The following BICC1 variants were observed in gnomAD, a reference collection of about 807,000 sequenced individuals.
BICC1 encodes protein bicaudal C homolog 1.
In BICC1, 43 loss-of-function variants were observed where a neutral mutation model predicts 111.0. That is an observed-to-expected ratio of 0.39 (90% CI 0.30 to 0.50). The LOEUF (loss-of-function observed/expected upper bound fraction) is 0.50. BICC1 is among the 20% of genes least tolerant of loss of function. The pLI is 0.88. For missense variants in BICC1, 1,091 were observed against 1,203.2 expected (o/e 0.91, Z 1.38); for synonymous variants, 467 against 434.4 (o/e 1.07, Z -0.93).
chr10:58,757,333 A>G (rs542634825), intron 3 of BICC1, among the ~76,000 whole-genome samples: 4 of 152,330 alleles, frequency 2.6e-5, no homozygotes, highest in East Asian at 1.9e-4. Flanking sequence ...CACATTTTCT[A>G]TAGGACGAGT....
At chr10:58,517,389 A>G (rs906076221) in intron 1 of BICC1, among the ~76,000 whole-genome samples, 2 of 152,218 alleles carry the variant, frequency 1.3e-5, no homozygotes, top group African/African-American at 4.8e-5. Flanking sequence ...GATTAACAGT[A>G]GGAGCAGCAA....
chr10:58,624,398 A>G (rs1293122740), intron 2 of BICC1, among the ~76,000 whole-genome samples: 1 of 152,202 alleles, frequency 6.6e-6, no homozygotes, highest in East Asian at 1.9e-4. Context: ...ATAATTCTGT[A>G]GAAAAATTTA....
intron 2 of BICC1, among the ~76,000 whole-genome samples, chr10:58,680,024 A>G (rs144178206): frequency 5.9e-4 from 90 of 152,330 alleles, no homozygotes; most frequent in African/African-American, 2.1e-3. Context: ...AACTAGGTAT[A>G]GATGGAACGT....
chr10:58,694,050 A>G (rs1442708731), intron 2 of BICC1, among the ~76,000 whole-genome samples: 2 of 152,098 alleles, frequency 1.3e-5, no homozygotes, highest in African/African-American at 4.8e-5. Context: ...CAATAAATGT[A>G]TCTTCACTAA....
At chr10:58,790,728 GGGA>G (rs1170836475) in intron 8 of BICC1, among the ~76,000 whole-genome samples, 1 of 152,190 alleles carries the variant, frequency 6.6e-6, no homozygotes, top group African/African-American at 2.4e-5. Context: ...AGGAGGCTGA[GGGA>G]GGAGAATTGC....
chr10:58,542,428 CAG>C (rs761529537), intron 1 of BICC1, among the ~76,000 whole-genome samples: 6 of 151,910 alleles, frequency 3.9e-5, no homozygotes, highest in African/African-American at 7.2e-5. Context: ...TAGAAGAAAA[CAG>C]GGGAAAAGCT....
At chr10:58,694,284 G>C (rs998497503) in intron 2 of BICC1, among the ~76,000 whole-genome samples, 3 of 152,150 alleles carry the variant, frequency 2.0e-5, no homozygotes, top group African/African-American at 7.2e-5. Flanking sequence ...GAGACAAGGA[G>C]TCATCATGAC....
chr10:58,682,796 G>A (rs1839575859), intron 2 of BICC1, among the ~76,000 whole-genome samples: 1 of 152,162 alleles, frequency 6.6e-6, no homozygotes, highest in African/African-American at 2.4e-5. Flanking sequence ...TTGTCAGATA[G>A]GTAGATTGTG....
At chr10:58,738,570 G>A (rs2132591782) in intron 3 of BICC1, among the ~76,000 whole-genome samples, 1 of 151,876 alleles carries the variant, frequency 6.6e-6, no homozygotes, top group South Asian at 2.1e-4. Flanking sequence ...TGGCAATGCA[G>A]GCTCTTTTTT....
chr10:58,617,187 G>A (rs1845643357), intron 1 of BICC1, among the ~76,000 whole-genome samples: 1 of 152,256 alleles, frequency 6.6e-6, no homozygotes, highest in Non-Finnish European at 1.5e-5. Flanking sequence ...CTGCCCTTCA[G>A]GCTCGTGAGA....
intron 2 of BICC1, among the ~76,000 whole-genome samples, chr10:58,624,439 TG>T (rs1489795017): frequency 6.6e-6 from 1 of 152,232 alleles, no homozygotes; most frequent in Non-Finnish European, 1.5e-5. Context: ...TGTCACATTT[TG>T]ATACTCAGTC....
chr10:58,797,471 T>A (rs1414297035), intron 10 of BICC1, among the ~76,000 whole-genome samples: 2 of 152,144 alleles, frequency 1.3e-5, no homozygotes, highest in East Asian at 1.9e-4. Context: ...AAAGAAAGAT[T>A]TTTTTTGTAT....
At chr10:58,516,858 C>G (rs751179120) in intron 1 of BICC1, among the ~76,000 whole-genome samples, 1 of 152,024 alleles carries the variant, frequency 6.6e-6, no homozygotes, top group East Asian at 1.9e-4. Context: ...ACTGAGTTAT[C>G]AGGGAGGAAA....
At chr10:58,559,570 G>A (rs1422927374) in intron 1 of BICC1, among the ~76,000 whole-genome samples, 2 of 152,076 alleles carry the variant, frequency 1.3e-5, no homozygotes, top group Non-Finnish European at 2.9e-5. Flanking sequence ...CTTGTTTCCA[G>A]TTTGGATGCT....
chr10:58,622,857 A>G (rs1845865921), intron 2 of BICC1, among the ~76,000 whole-genome samples: 1 of 152,236 alleles, frequency 6.6e-6, no homozygotes, highest in Non-Finnish European at 1.5e-5. Context: ...TTTGGGAAGC[A>G]TTTAAGAAAT....
intron 3 of BICC1, among the ~76,000 whole-genome samples, chr10:58,728,445 C>G (rs1841181099): frequency 6.6e-6 from 1 of 152,144 alleles, no homozygotes; most frequent in African/African-American, 2.4e-5. Context: ...GGCTTAACTT[C>G]TAATTACAGT....
At chr10:58,800,510 A>G (rs1288946077) in intron 13 of BICC1, among the ~76,000 whole-genome samples, 184 bp downstream of exon 13, 2 of 152,210 alleles carry the variant, frequency 1.3e-5, no homozygotes, top group African/African-American at 4.8e-5. Context: ...GATTAACTGA[A>G]AAGCACTTTC....
At chr10:58,732,375 GTATGTATATATATATATA>G (rs1841335929) in intron 3 of BICC1, among the ~76,000 whole-genome samples, 2 of 6,070 alleles carry the variant, frequency 3.3e-4, no homozygotes, top group African/African-American at 9.9e-4. Flanking sequence ...GTGTGTGTGT[GTATGTATATATATATATA>G]TATATATATA....
At chr10:58,578,486 A>G (rs1459195190) in intron 1 of BICC1, among the ~76,000 whole-genome samples, 2 of 152,210 alleles carry the variant, frequency 1.3e-5, no homozygotes, top group Non-Finnish European at 2.9e-5. Flanking sequence ...ATAAAGAATC[A>G]TGAAGAAACT....
Sources: gnomAD v4.1 joint callset for allele counts (sites outside exome capture counted in the v4.1 genomes callset) on GRCh38, gnomAD v4.1.1 for gene constraint, MANE v1.5 for transcripts, NCBI Gene and HGNC (gene_info 2026-07-23, HGNC 2026-07-21) for gene names.